Variants in MVB12B observed in about 807,000 individuals in gnomAD.
The protein encoded by MVB12B is ESCRT-I complex subunit MVB12B.
MVB12B carries 16 observed loss-of-function variants against 41.6 expected under a neutral mutation model. The ratio of observed to expected loss-of-function variants is 0.38; its 90% CI spans 0.26 to 0.58. The LOEUF is 0.58. Ranked by LOEUF, MVB12B falls within the 20% of genes least tolerant of loss-of-function variation. The pLI, the probability that MVB12B is intolerant of heterozygous loss-of-function variation, is 0.62. For synonymous variants in MVB12B, 133 were observed against 139.7 expected (o/e 0.95, Z 0.34); for missense variants, 274 against 380.2 (o/e 0.72, Z 2.32).
At chr9:126,329,108 C>T (rs1829060189) in intron 1 of MVB12B, among the ~76,000 whole-genome samples, 1 of 152,064 alleles carries the variant, frequency 6.6e-6, no homozygotes, top group South Asian at 2.1e-4. Flanking sequence ...AACGGGACAA[C>T]CAGGAAGTGA....
chr9:126,430,892 C>T (rs529211306), intron 7 of MVB12B, among the ~76,000 whole-genome samples: 7 of 152,324 alleles, frequency 4.6e-5, no homozygotes, highest in East Asian at 1.9e-4. Flanking sequence ...AGTATCCATA[C>T]CTTTAAAACA....
At chr9:126,451,221 G>A (rs1370880332) in intron 7 of MVB12B, among the ~76,000 whole-genome samples, 1 of 152,206 alleles carries the variant, frequency 6.6e-6, no homozygotes, top group Non-Finnish European at 1.5e-5. Context: ...GTCTTTGACT[G>A]TAGAAACAAA....
chr9:126,365,843 G>GGT (rs1461224364), intron 2 of MVB12B, among the ~76,000 whole-genome samples: 2 of 152,140 alleles, frequency 1.3e-5, no homozygotes, highest in Non-Finnish European at 2.9e-5. Flanking sequence ...GCCTGTACTG[G>GGT]GTACTGCAAA....
intron 7 of MVB12B, among the ~76,000 whole-genome samples, chr9:126,470,013 A>G (rs548012694): frequency 6.6e-6 from 1 of 152,364 alleles, no homozygotes; most frequent in South Asian, 2.1e-4. Context: ...TAAATGAGAT[A>G]AAAACATAAG....
At chr9:126,342,291 C>G (rs1377796693) in intron 2 of MVB12B, among the ~76,000 whole-genome samples, 1 of 152,156 alleles carries the variant, frequency 6.6e-6, no homozygotes, top group South Asian at 2.1e-4. Context: ...AGGGGTCTCC[C>G]CATCTTCCCA....
chr9:126,439,500 A>G (rs1396539617), intron 7 of MVB12B, among the ~76,000 whole-genome samples: 1 of 152,104 alleles, frequency 6.6e-6, no homozygotes, highest in Non-Finnish European at 1.5e-5. Context: ...TTTTGTATCT[A>G]CTCTGGTCTT....
intron 2 of MVB12B, among the ~76,000 whole-genome samples, chr9:126,358,108 G>A (rs1829931503): frequency 6.6e-6 from 1 of 152,040 alleles, no homozygotes; most frequent in Non-Finnish European, 1.5e-5. Context: ...TGGCACTTAT[G>A]TCAAAAATCA....
chr9:126,395,758 T>G lies in MVB12B; in HGVS notation c.662+61T>G. On this transcript the variant is annotated intron_variant, in intron 6 of 9. Transcript: ENST00000361171. The surrounding 1 kb of genome is among the most constrained non-coding windows in gnomAD (Gnocchi z 4.9). Reference sequence around the variant, plus strand: ...GGTCTTAGGTCCCTGCACAACATTTTAGAACACCACCACTTAGTGTCTGCT... The same window carrying G: ...GGTCTTAGGTCCCTGCACAACATTTGAGAACACCACCACTTAGTGTCTGCT... The G allele has an allele frequency of 6.3e-7, 1 of 1,597,894 alleles. No homozygotes were observed. Among genetic ancestry groups the G allele is most frequent in the African/African-American group, 1.3e-5 (1 of 74,478 alleles).
intron 2 of MVB12B, among the ~76,000 whole-genome samples, chr9:126,354,176 C>T (rs1268644807): frequency 6.6e-6 from 1 of 152,174 alleles, no homozygotes; most frequent in Non-Finnish European, 1.5e-5. Flanking sequence ...CTGGCTTTCT[C>T]TTCCTGGTTT....
At chr9:126,422,377 G>A (rs1021730659) in intron 7 of MVB12B, among the ~76,000 whole-genome samples, 4 of 152,120 alleles carry the variant, frequency 2.6e-5, no homozygotes, top group Admixed American at 6.5e-5. Flanking sequence ...GTACACTGGC[G>A]GTCTCCCCTC....
intron 7 of MVB12B, among the ~76,000 whole-genome samples, chr9:126,458,694 T>C (rs1314610175): frequency 6.6e-6 from 1 of 152,176 alleles, no homozygotes; most frequent in African/African-American, 2.4e-5. Context: ...TTAGGTTCCA[T>C]TGAAATGTGT....
At chr9:126,467,508 G>C (rs950354611) in intron 7 of MVB12B, among the ~76,000 whole-genome samples, 3 of 152,166 alleles carry the variant, frequency 2.0e-5, no homozygotes, top group African/African-American at 7.2e-5. Context: ...GTAGGCCTAC[G>C]TGAATAACTT....
intron 1 of MVB12B, among the ~76,000 whole-genome samples, chr9:126,328,938 G>GT (rs1411409395): frequency 6.6e-6 from 1 of 151,870 alleles, no homozygotes; most frequent in African/African-American, 2.4e-5. Context: ...ACGCTCGGCT[G>GT]TTTTTTTAAA....
chr9:126,368,896 T>G (rs939908889), intron 2 of MVB12B, among the ~76,000 whole-genome samples: 2 of 152,236 alleles, frequency 1.3e-5, no homozygotes, highest in Non-Finnish European at 1.5e-5. Flanking sequence ...GTGTTTTTAA[T>G]ATAAATTAGA....
In MVB12B at chr9:126,389,689, T is replaced by A. The variant is rs533840305; in HGVS notation, c.410-2377T>A. On this transcript the variant is annotated intron_variant, in intron 4 of 9. Coordinates refer to ENST00000361171, the MANE Select transcript of MVB12B (RefSeq NM_033446.3). This position sits in a 1 kb window ranked among gnomAD's most constrained non-coding sequence, Gnocchi z 4.4. ...TTCGTGCTTTCTAAGGCCGATCTGA[T>A]CAGCTGATAATCTTTGAAGTTGCAG... Among the ~76,000 whole-genome samples, 44 of 152,200 alleles carry A rather than the reference T, an allele frequency of 2.9e-4. No individual in the cohort carries two copies. The South Asian group carries it at 8.9e-3, about 31-fold the overall frequency.
intron 2 of MVB12B, among the ~76,000 whole-genome samples, chr9:126,364,925 G>A (rs920942142): frequency 1.3e-5 from 2 of 150,022 alleles, no homozygotes; most frequent in African/African-American, 2.5e-5. Flanking sequence ...CTAATTTTTT[G>A]TATTTTTTAG....
At chr9:126,410,090 C>T (rs1252689224) in intron 6 of MVB12B, among the ~76,000 whole-genome samples, 4 of 152,062 alleles carry the variant, frequency 2.6e-5, no homozygotes, top group Non-Finnish European at 4.4e-5. Context: ...TTTCCTTCAT[C>T]TTCCAGTGGC....
rs1435533757 is a variant in MVB12B, at chr9:126,367,727, A to G, written c.205-13337A>G. 6.6e-6 allele frequency among the ~76,000 whole-genome samples: 1 copy of G among 152,176 alleles called. No individual in the cohort carries two copies. On this transcript the variant is annotated intron_variant, in intron 2 of 9. Coordinates refer to ENST00000361171, the MANE Select transcript of MVB12B (RefSeq NM_033446.3). This position sits in a 1 kb window ranked among gnomAD's most constrained non-coding sequence, Gnocchi z 4.3. ...TCCACACACAGTATTTATTTCACAC[A>G]ATAACCCTGCCAAGTTACTATTGCA...
intron 6 of MVB12B, among the ~76,000 whole-genome samples, chr9:126,399,754 C>T (rs1004564273): frequency 1.3e-5 from 2 of 152,142 alleles, no homozygotes; most frequent in African/African-American, 4.8e-5. Flanking sequence ...AGCCCTCTAG[C>T]TCAGCAAGCA....
Sources: gnomAD v4.1 joint callset for allele counts (sites outside exome capture counted in the v4.1 genomes callset) on GRCh38, gnomAD v4.1.1 for gene constraint, Gnocchi (gnomAD v3.1) non-coding constraint, MANE v1.5 for transcripts, NCBI Gene and HGNC (gene_info 2026-07-23, HGNC 2026-07-21) for gene names.